Variants in CSMD1 observed in about 807,000 individuals in gnomAD.
The protein encoded by CSMD1 is CUB and sushi domain-containing protein 1.
A neutral mutation model predicts 417.5 loss-of-function variants in CSMD1; 213 were observed. The ratio of observed to expected loss-of-function variants is 0.51; its 90% CI spans 0.46 to 0.57. The LOEUF is 0.57. Among genes scored for constraint, CSMD1 ranks in the 20% least tolerant of loss-of-function variants. The pLI is 0.00. For synonymous variants in CSMD1, 2,862 were observed against 1,736.8 expected (o/e 1.65, Z -16.11); for missense variants, 6,923 against 4,529.7 (o/e 1.53, Z -15.17).
chr8:4,056,746 T>G (rs1163727162), intron 3 of CSMD1, among the ~76,000 whole-genome samples: 1 of 152,024 alleles, frequency 6.6e-6, no homozygotes, highest in Non-Finnish European at 1.5e-5. Flanking sequence ...CCATGCGTTC[T>G]CATTGTTCAA....
intron 20 of CSMD1, among the ~76,000 whole-genome samples, chr8:3,360,103 C>T (rs1585050659): frequency 6.6e-6 from 1 of 152,110 alleles, no homozygotes; most frequent in African/African-American, 2.4e-5. Flanking sequence ...GCCAATTTTG[C>T]CTCTAGAATA....
chr8:4,746,258 ATCT>A lies in CSMD1; in HGVS notation c.86-108703_86-108701del, dbSNP rs1188212519. On this transcript the variant is annotated intron_variant, in intron 1 of 69. Coordinates refer to ENST00000635120, the MANE Select transcript of CSMD1 (RefSeq NM_033225.6). ...GGCCAACAAATTCCAGCCAGACTAG[ATCT>A]TCTTCTAGGTGACGTACTTAGAGCC... is the stretch of plus-strand genomic sequence containing the variant. 3.3e-5 allele frequency among the ~76,000 whole-genome samples: 5 copies of A among 152,266 alleles called. No homozygotes were observed. The South Asian group carries it at 6.2e-4, about 19-fold the overall frequency.
Position 4,403,908 on chromosome 8 carries a change from C to T in CSMD1, c.415+16045G>A, listed in dbSNP as rs527811844. Among the ~76,000 whole-genome samples, 4 of 152,272 alleles carry T rather than the reference C, an allele frequency of 2.6e-5. No individual in the cohort carries two copies. In the South Asian group the frequency reaches 8.3e-4, roughly 32 times the overall value. The stretch of plus-strand genomic sequence containing the variant: ...TGATTCTCACATCCCCTACCCACAC[C>T]CGCATTAACTCCAATCTTCGCCTTT... On this transcript the variant is annotated intron_variant, in intron 3 of 69. Coordinates refer to ENST00000635120, the MANE Select transcript of CSMD1 (RefSeq NM_033225.6).
chr8:3,449,949 C>T (rs921538292), intron 12 of CSMD1, among the ~76,000 whole-genome samples: 6 of 152,216 alleles, frequency 3.9e-5, no homozygotes, highest in African/African-American at 1.2e-4. Context: ...AAGACTCACA[C>T]AGCTTGCCAT....
chr8:2,997,001 A>T (rs971805518), intron 54 of CSMD1, among the ~76,000 whole-genome samples: 1 of 152,202 alleles, frequency 6.6e-6, no homozygotes. Context: ...TGGGCTTCTT[A>T]AGCTGGGGTG....
At chr8:4,125,498 A>G (rs757223138) in intron 3 of CSMD1, among the ~76,000 whole-genome samples, 6 of 152,216 alleles carry the variant, frequency 3.9e-5, no homozygotes, top group African/African-American at 9.6e-5. Context: ...CGCACTGGGT[A>G]CACGTCGGCC....
intron 1 of CSMD1, among the ~76,000 whole-genome samples, chr8:4,699,019 C>T (rs1030949990): frequency 6.6e-6 from 1 of 151,794 alleles, no homozygotes; most frequent in Non-Finnish European, 1.5e-5. Flanking sequence ...ACTATCTATG[C>T]CTTTCATTAA....
At chr8:3,674,799 C>T (rs931894193) in intron 7 of CSMD1, among the ~76,000 whole-genome samples, 2 of 152,098 alleles carry the variant, frequency 1.3e-5, no homozygotes, top group African/African-American at 2.4e-5. Flanking sequence ...AGAGGTGAAA[C>T]CAATTCCAAA....
intron 1 of CSMD1, among the ~76,000 whole-genome samples, chr8:4,659,425 G>A (rs1804444662): frequency 6.6e-6 from 1 of 152,144 alleles, no homozygotes; most frequent in Non-Finnish European, 1.5e-5. Flanking sequence ...CAAACATAAT[G>A]TGACATAGAC....
intron 5 of CSMD1, among the ~76,000 whole-genome samples, chr8:3,982,054 C>A (rs1423309168): frequency 6.6e-6 from 1 of 151,524 alleles, no homozygotes; most frequent in East Asian, 1.9e-4. Flanking sequence ...GCCTGTAATC[C>A]CAGCTACGCA....
At chr8:4,385,413 C>G (rs1404872883) in intron 3 of CSMD1, among the ~76,000 whole-genome samples, 1 of 152,162 alleles carries the variant, frequency 6.6e-6, no homozygotes, top group Admixed American at 6.5e-5. Context: ...CATGCACTTG[C>G]TACAGCACTG....
Position 4,567,993 on chromosome 8 carries a change from T to G in CSMD1, c.302+69349A>C, listed in dbSNP as rs568695361. Reference sequence around the variant, plus strand: ...ACTGTTATTTAACTTTGAGTATCAGTGATTTTCACAGGGCTGGATCAGAGC... The same window carrying G: ...ACTGTTATTTAACTTTGAGTATCAGGGATTTTCACAGGGCTGGATCAGAGC... On this transcript the variant is annotated intron_variant, in intron 2 of 69. Transcript: ENST00000635120. Among the ~76,000 whole-genome samples, 10 of 152,314 alleles carry G rather than the reference T, an allele frequency of 6.6e-5. No individual in the cohort carries two copies. In the East Asian group the frequency reaches 1.9e-3, roughly 29 times the overall value.
chr8:4,768,847 G>A (rs981805359), intron 1 of CSMD1, among the ~76,000 whole-genome samples: 11 of 152,152 alleles, frequency 7.2e-5, no homozygotes, highest in African/African-American at 2.4e-4. Flanking sequence ...TATGGGAAGG[G>A]GAGGTGGCTG....
rs111773764 is a variant in CSMD1 at position 3,115,864 on chromosome 8, A to C, written c.6430+2535T>G. ...GTTTAAAGTATCTGTGTTTTTTCTGAAGTTCTTTTCAAGTCTACAGGGCTG... is the reference window on the plus strand; with the variant it reads ...GTTTAAAGTATCTGTGTTTTTTCTGCAGTTCTTTTCAAGTCTACAGGGCTG... On this transcript the variant is annotated intron_variant, in intron 42 of 69. Coordinates refer to ENST00000635120, the MANE Select transcript of CSMD1 (RefSeq NM_033225.6). 9.8e-3 allele frequency among the ~76,000 whole-genome samples: 1,487 copies of C among 152,264 alleles called. 22 individuals are homozygous for C. The highest frequency in any genetic ancestry group is 0.031 in the African/African-American group (1,293 of 41,554).
At chr8:3,701,948 G>A (rs552002286) in intron 7 of CSMD1, among the ~76,000 whole-genome samples, 1 of 152,052 alleles carries the variant, frequency 6.6e-6, no homozygotes, top group Non-Finnish European at 1.5e-5. Flanking sequence ...AACTAGGGGC[G>A]AATATCATTC....
chr8:4,041,996 C>G (rs1218713047), intron 3 of CSMD1, among the ~76,000 whole-genome samples: 1 of 151,744 alleles, frequency 6.6e-6, no homozygotes, highest in African/African-American at 2.4e-5. Flanking sequence ...CAAGCAAAAA[C>G]AAAGCAAAAC....
chr8:3,626,448 T>A (rs2117225342), intron 7 of CSMD1, among the ~76,000 whole-genome samples: 1 of 152,274 alleles, frequency 6.6e-6, no homozygotes, highest in South Asian at 2.1e-4. Context: ...CTTAAAAATG[T>A]GGAAAGAAAT....
At chr8:4,044,145 A>T (rs576546956) in intron 3 of CSMD1, among the ~76,000 whole-genome samples, 1 of 152,202 alleles carries the variant, frequency 6.6e-6, no homozygotes, top group Non-Finnish European at 1.5e-5. Flanking sequence ...TCTTAACAGT[A>T]AGAAAGAAGA....
chr8:3,616,581 T>G, intron 8 of CSMD1, 129 bp downstream of exon 8: 1 of 647,752 alleles, frequency 1.5e-6, no homozygotes, highest in South Asian at 1.9e-5. Context: ...ATTACACACA[T>G]TTAGAGTTAA....
Sources: gnomAD v4.1 joint callset for allele counts (sites outside exome capture counted in the v4.1 genomes callset) on GRCh38, gnomAD v4.1.1 for gene constraint, MANE v1.5 for transcripts, NCBI Gene and HGNC (gene_info 2026-07-23, HGNC 2026-07-21) for gene names.